The following EYA1 variants were observed in gnomAD, a reference collection of about 807,000 sequenced individuals.
EYA1 encodes the protein protein phosphatase EYA1.
A neutral mutation model predicts 82.0 loss-of-function variants in EYA1; 16 were observed. The observed-to-expected ratio is 0.20, with a 90% CI of 0.13 to 0.30. The LOEUF (loss-of-function observed/expected upper bound fraction) is 0.30. Ranked by LOEUF, EYA1 falls within the 10% of genes least tolerant of loss-of-function variation. EYA1 has a pLI of 1.00. For missense variants in EYA1, 633 were observed against 730.7 expected (o/e 0.87, Z 1.54); for synonymous variants, 261 against 264.4 (o/e 0.99, Z 0.12).
chr8:71,543,731 C>A (rs749535765), intron 1 of EYA1, among the ~76,000 whole-genome samples: 1 of 152,022 alleles, frequency 6.6e-6, no homozygotes, highest in Non-Finnish European at 1.5e-5. Flanking sequence ...GAAGAAGGGG[C>A]TGAAAAACAT....
chr8:71,480,746 T>G (rs1446889559), intron 2 of EYA1, among the ~76,000 whole-genome samples: 2 of 152,110 alleles, frequency 1.3e-5, no homozygotes, highest in Non-Finnish European at 2.9e-5. Flanking sequence ...GAAGAGATAG[T>G]TTACGTTTCC....
chr8:71,289,464 G>T lies in EYA1; in HGVS notation c.826+9583C>A, dbSNP rs1209809998. On this transcript the variant is annotated intron_variant, in intron 9 of 17. Coordinates refer to ENST00000340726, the MANE Select transcript of EYA1 (RefSeq NM_000503.6). ...GCCTCATAATATATGCTTTTGCTGAGTGCTGATTAAAGAAGATGTTTACTA... is the reference window on the plus strand; with the variant it reads ...GCCTCATAATATATGCTTTTGCTGATTGCTGATTAAAGAAGATGTTTACTA... Among the ~76,000 whole-genome samples, 4 of 152,266 alleles carry T rather than the reference G, an allele frequency of 2.6e-5. No individual in the cohort carries two copies. The East Asian group carries it at 7.7e-4, about 29-fold the overall frequency.
Position 71,198,117 on chromosome 8 carries a change from TTAA to T in EYA1, c.*1220_*1222del, listed in dbSNP as rs574723016. On this transcript the variant is annotated 3_prime_UTR_variant, in exon 18 of 18. Transcript: ENST00000340726. ...TCGAAAGAAAATGCAGACACGATAA[TTAA>T]TAATTCTGAGCACATGAAAACTTTG... The T allele has an allele frequency of 3.2e-3, 493 of 152,580 alleles. 6 individuals are homozygous for T. The highest frequency in any genetic ancestry group is 0.024 in the Admixed American group (369 of 15,300). The allele number at this position is 152,580 out of a possible 1,614,324, so 9.5% of individuals were successfully genotyped here. A position where few individuals can be genotyped will look rare whatever the true frequency, so the allele number is the denominator to read the frequency against.
intron 2 of EYA1, among the ~76,000 whole-genome samples, chr8:71,461,808 C>A (rs1055983277): frequency 1.3e-5 from 2 of 152,092 alleles, no homozygotes; most frequent in Non-Finnish European, 1.5e-5. Flanking sequence ...CAGGGGGAAG[C>A]TCCATTCCCT....
At chr8:71,334,068 G>C in intron 4 of EYA1, 29 bp downstream of exon 4, 1 of 1,506,880 alleles carries the variant, frequency 6.6e-7, no homozygotes, top group Admixed American at 1.7e-5. Context: ...GCTTGGTGTT[G>C]ATGTGAAAAT....
In EYA1 at chr8:71,495,839, T is replaced by TA. The variant is rs376352681; in HGVS notation, c.33+39904dup. On this transcript the variant is annotated intron_variant, in intron 2 of 18. Coordinates refer to the EYA1 transcript ENST00000643681. ...CTCCCTGGGTGAAAAGGTAATGTCT[T>TA]ACAGTTTTCTCCCTTCTCCCACCAT... Among the ~76,000 whole-genome samples the TA allele has an allele frequency of 3.7e-3, 565 of 152,272 alleles. 4 individuals carry two copies. The highest frequency in any genetic ancestry group is 0.013 in the African/African-American group (535 of 41,562).
chr8:71,342,823 G>A (rs1028324745), intron 3 of EYA1, among the ~76,000 whole-genome samples: 9 of 152,122 alleles, frequency 5.9e-5, no homozygotes, highest in African/African-American at 1.9e-4. Flanking sequence ...AATTTATTTG[G>A]TATATTACCT....
chr8:71,282,713 C>T (rs952541543), intron 9 of EYA1, among the ~76,000 whole-genome samples: 2 of 152,192 alleles, frequency 1.3e-5, no homozygotes, highest in African/African-American at 4.8e-5. Context: ...CAGTGCTTGT[C>T]TCCTCTTCTG....
chr8:71,218,669 A>C (rs990588110), intron 12 of EYA1, among the ~76,000 whole-genome samples: 3 of 152,202 alleles, frequency 2.0e-5, no homozygotes, highest in African/African-American at 7.2e-5. Flanking sequence ...GTGGTTGGGA[A>C]CTTCTCATTT....
chr8:71,533,000 G>A (rs567021055), intron 2 of EYA1, among the ~76,000 whole-genome samples: 1 of 152,338 alleles, frequency 6.6e-6, no homozygotes, highest in South Asian at 2.1e-4. Context: ...CACAGACATG[G>A]TCCTAGGTGA....
At chr8:71,220,474 A>G (rs1227356793) in intron 12 of EYA1, among the ~76,000 whole-genome samples, 45 of 152,084 alleles carry the variant, frequency 3.0e-4, no homozygotes, top group Non-Finnish European at 4.4e-5. Flanking sequence ...GATTTCAAGG[A>G]CTCCTGAAAG....
chr8:71,356,608 T>C (rs1370894526), intron 1 of EYA1, 97 bp from the exon 2 acceptor site: 1 of 1,431,072 alleles, frequency 7.0e-7, no homozygotes, highest in Non-Finnish European at 9.2e-7. Context: ...GACAATGCTC[T>C]CTTTTAACCA....
intron 6 of EYA1, among the ~76,000 whole-genome samples, chr8:71,320,501 A>G (rs117216444): frequency 0.011 from 1,606 of 152,304 alleles, 64 homozygotes; most frequent in Admixed American, 0.066. Context: ...ATCCATAGCT[A>G]ATATTATTAT....
Position 71,395,653 on chromosome 8 carries a change from C to T in EYA1, c.34-39142G>A, listed in dbSNP as rs150767612. 2.8e-3 allele frequency among the ~76,000 whole-genome samples: 431 copies of T among 152,054 alleles called. 9 individuals are homozygous for T. The highest frequency in any genetic ancestry group is 0.024 in the Admixed American group (373 of 15,260). On this transcript the variant is annotated intron_variant, in intron 2 of 18. Transcript: ENST00000643681. ...CCCAGGGATGAAGCCCATTTGATCA[C>T]GGTGGATAAGCTTTTTGATGTGCTG... is the stretch of plus-strand genomic sequence containing the variant.
At chr8:71,544,720 C>A (rs1815412509) in intron 1 of EYA1, among the ~76,000 whole-genome samples, 1 of 152,202 alleles carries the variant, frequency 6.6e-6, no homozygotes, top group East Asian at 1.9e-4. Context: ...TCCAAAGGAC[C>A]TACCTGTTGG....
At position 71,482,712 on chromosome 8, in the gene EYA1, A is replaced by G. The variant is rs867859984; in HGVS notation, c.33+53032T>C. Among the ~76,000 whole-genome samples the G allele has an allele frequency of 1.6e-4, 24 of 152,332 alleles. No individual in the cohort carries two copies. The South Asian group carries it at 1.7e-3, about 11-fold the overall frequency. ...TACACAGCAATGAAAAGAATGAACTACTGACATACACGATAACATAGACAA... is the reference window on the plus strand; with the variant it reads ...TACACAGCAATGAAAAGAATGAACTGCTGACATACACGATAACATAGACAA... On this transcript the variant is annotated intron_variant, in intron 2 of 18. Coordinates refer to the EYA1 transcript ENST00000643681.
intron 11 of EYA1, among the ~76,000 whole-genome samples, chr8:71,264,751 G>A (rs1815573337): frequency 6.6e-6 from 1 of 151,462 alleles, no homozygotes. Flanking sequence ...GCTAATTTTT[G>A]TATTTTTTTT....
intron 11 of EYA1, among the ~76,000 whole-genome samples, chr8:71,248,499 T>C (rs1383039892): frequency 2.0e-5 from 3 of 152,220 alleles, no homozygotes; most frequent in Non-Finnish European, 4.4e-5. Context: ...CCTGTCTCAA[T>C]CTACAGTTTG....
chr8:71,383,827 G>A (rs1305187894), intron 2 of EYA1, among the ~76,000 whole-genome samples: 2 of 151,470 alleles, frequency 1.3e-5, no homozygotes, highest in South Asian at 4.2e-4. Flanking sequence ...CTTGAAAAAA[G>A]AAAAGAAAAG....
Sources: allele counts gnomAD v4.1 joint callset (sites outside exome capture counted in the v4.1 genomes callset), GRCh38; gene constraint gnomAD v4.1.1; transcripts MANE v1.5; gene names NCBI Gene and HGNC (gene_info 2026-07-23, HGNC 2026-07-21).